Variants in ADGRL3 observed in about 807,000 individuals in gnomAD.
The protein encoded by ADGRL3 is calcium-independent alpha-latrotoxin receptor 3.
ADGRL3 carries 62 observed loss-of-function variants against 153.5 expected under a neutral mutation model. That is an observed-to-expected ratio of 0.40 (90% CI 0.33 to 0.50). The LOEUF (loss-of-function observed/expected upper bound fraction) is 0.50. ADGRL3 is among the 20% of genes least tolerant of loss of function. ADGRL3 has a pLI of 0.47. For synonymous variants in ADGRL3, 710 were observed against 672.5 expected, an observed-to-expected ratio of 1.06 and a Z score of -0.86; for missense variants, 1,641 against 1,859.4, an observed-to-expected ratio of 0.88 and a Z score of 2.16.
intron 1 of ADGRL3, among the ~76,000 whole-genome samples, chr4:61,212,777 A>G (rs546332274): frequency 1.3e-5 from 2 of 152,358 alleles, no homozygotes; most frequent in Middle Eastern, 3.4e-3. Context: ...CTTATGTACA[A>G]TGACCTTCCT....
chr4:61,830,583 T>C (rs535438244), intron 9 of ADGRL3, among the ~76,000 whole-genome samples: 3 of 152,302 alleles, frequency 2.0e-5, no homozygotes, highest in African/African-American at 7.2e-5. Context: ...TATTTTCTAA[T>C]GAGGACCTTA....
chr4:61,291,045 G>C (rs973178526), intron 1 of ADGRL3, among the ~76,000 whole-genome samples: 5 of 151,908 alleles, frequency 3.3e-5, no homozygotes, highest in African/African-American at 1.2e-4. Flanking sequence ...TTACAAATTG[G>C]TGAAGGAAAG....
intron 1 of ADGRL3, among the ~76,000 whole-genome samples, chr4:61,219,351 C>G (rs1744317696): frequency 6.6e-6 from 1 of 152,128 alleles, no homozygotes; most frequent in Non-Finnish European, 1.5e-5. Flanking sequence ...AAGTTAAAAG[C>G]CATTCTCTGA....
chr4:61,328,657 G>A (rs750968786), intron 1 of ADGRL3, among the ~76,000 whole-genome samples: 1 of 152,046 alleles, frequency 6.6e-6, no homozygotes, highest in Non-Finnish European at 1.5e-5. Flanking sequence ...GTCAAATGGG[G>A]ACAAAGAAGC....
rs778366454 is a variant in ADGRL3, at chr4:61,909,755, C to T, written c.2073+10C>T. 8 of 1,443,746 alleles carry T rather than the reference C, an allele frequency of 5.5e-6. No individual in the cohort carries two copies. The highest frequency in any genetic ancestry group is 7.4e-6 in the Non-Finnish European group (8 of 1,075,458). 89.4% of individuals were successfully genotyped at this position (1,443,746 alleles called of 1,614,324 possible). On this transcript the variant is annotated intron_variant, in intron 12 of 26. Transcript: ENST00000683033. Reference sequence around the variant, plus strand: ...CCGGAGTTTGAACAAGGTAAGGACCCTAATTATGTGTGTGTGTGTGTGTGT... The same window carrying T: ...CCGGAGTTTGAACAAGGTAAGGACCTTAATTATGTGTGTGTGTGTGTGTGT...
intron 6 of ADGRL3, among the ~76,000 whole-genome samples, chr4:61,682,563 A>ATTTTTTTTTTTTTTTTTTTT (rs10685495): frequency 7.3e-6 from 1 of 136,224 alleles, no homozygotes; most frequent in Non-Finnish European, 1.6e-5. Context: ...CTTTAAAAAA[A>ATTTTTTTTTTTTTTTTTTTT]TTTTTTTTTT....
At chr4:61,591,559 G>A (rs1385939811) in intron 5 of ADGRL3, among the ~76,000 whole-genome samples, 1 of 152,052 alleles carries the variant, frequency 6.6e-6, no homozygotes, top group African/African-American at 2.4e-5. Context: ...AGTTATTTCT[G>A]GAGGTATGGA....
intron 1 of ADGRL3, among the ~76,000 whole-genome samples, chr4:61,362,587 G>T (rs1280288707): frequency 1.3e-5 from 2 of 152,034 alleles, no homozygotes; most frequent in East Asian, 3.9e-4. Context: ...GTAAGCTGAA[G>T]AAAAGAAAGT....
intron 1 of ADGRL3, among the ~76,000 whole-genome samples, chr4:61,342,308 T>C (rs1190611812): frequency 1.3e-5 from 2 of 152,190 alleles, no homozygotes; most frequent in Non-Finnish European, 2.9e-5. Flanking sequence ...AAGCAGTTCG[T>C]GAACAGTTAT....
At chr4:61,487,405 G>A (rs2098208327) in intron 2 of ADGRL3, among the ~76,000 whole-genome samples, 2 of 152,086 alleles carry the variant, frequency 1.3e-5, no homozygotes, top group Non-Finnish European at 2.9e-5. Context: ...TTAATACATG[G>A]GAGGCTTTCA....
At chr4:61,262,407 A>G (rs2092585946) in intron 1 of ADGRL3, among the ~76,000 whole-genome samples, 1 of 152,072 alleles carries the variant, frequency 6.6e-6, no homozygotes, top group Non-Finnish European at 1.5e-5. Context: ...TATATCAGTT[A>G]TGGTTTTACC....
At chr4:61,564,550 G>C (rs1372368537) in intron 4 of ADGRL3, among the ~76,000 whole-genome samples, 5 of 152,180 alleles carry the variant, frequency 3.3e-5, no homozygotes, top group African/African-American at 1.2e-4. Context: ...TGGAATTATA[G>C]GCTTGAGCCA....
chr4:62,066,752 T>C (rs1577748719), intron 25 of ADGRL3, among the ~76,000 whole-genome samples: 1 of 152,200 alleles, frequency 6.6e-6, no homozygotes, highest in African/African-American at 2.4e-5. Context: ...GAATACAAGA[T>C]CATTTTAGAA....
At chr4:61,401,365 T>C (rs1471013170) in intron 2 of ADGRL3, among the ~76,000 whole-genome samples, 1 of 151,892 alleles carries the variant, frequency 6.6e-6, no homozygotes, top group African/African-American at 2.4e-5. Flanking sequence ...AGAACACATT[T>C]AGCCCAGAGA....
At position 61,869,936 on chromosome 4, in the gene ADGRL3, T is replaced by TAAAAA. The variant is rs1190618911; in HGVS notation, c.1481-22699_1481-22695dup. Among the ~76,000 whole-genome samples, 24 of 10,506 alleles carry TAAAAA rather than the reference T, an allele frequency of 2.3e-3. 6 individuals are homozygous for TAAAAA. Among genetic ancestry groups the TAAAAA allele is most frequent in the African/African-American group, 2.7e-3 (12 of 4,448 alleles). The allele number at this position is 10,506 out of a possible 152,430, so 6.9% of individuals were successfully genotyped here. ...CTGGGCAACAAGAGCAAAACTTTGTTAAAAAAAAAAAAAAAAAAAAAAAAA... is the reference window on the plus strand; with the variant it reads ...CTGGGCAACAAGAGCAAAACTTTGTTAAAAAAAAAAAAAAAAAAAAAAAAAAAAAA... On this transcript the variant is annotated intron_variant, in intron 9 of 26. Transcript: ENST00000683033.
chr4:62,059,156 A>G (rs771915774), intron 25 of ADGRL3, among the ~76,000 whole-genome samples: 3 of 152,130 alleles, frequency 2.0e-5, no homozygotes, highest in Non-Finnish European at 4.4e-5. Context: ...GATAGGAAGT[A>G]TGTCCTCTTG....
At chr4:61,820,648 TTATA>T (rs2097743296) in intron 9 of ADGRL3, among the ~76,000 whole-genome samples, 1 of 152,224 alleles carries the variant, frequency 6.6e-6, no homozygotes, top group Non-Finnish European at 1.5e-5. Flanking sequence ...ATGGGATTGA[TTATA>T]TATTTCTGTA....
chr4:61,395,821 A>C (rs2096862129), intron 2 of ADGRL3, among the ~76,000 whole-genome samples: 1 of 151,978 alleles, frequency 6.6e-6, no homozygotes, highest in Non-Finnish European at 1.5e-5. Context: ...CAAGGGAACA[A>C]ATTTAATATA....
intron 11 of ADGRL3, among the ~76,000 whole-genome samples, chr4:61,904,085 AC>A (rs1483973817): frequency 8.0e-5 from 12 of 150,804 alleles, no homozygotes; most frequent in African/African-American, 2.9e-4. Flanking sequence ...TATTTTTATA[AC>A]CTATTTCACT....
Sources: allele counts gnomAD v4.1 joint callset (sites outside exome capture counted in the v4.1 genomes callset), GRCh38; gene constraint gnomAD v4.1.1; transcripts MANE v1.5; gene names NCBI Gene and HGNC (gene_info 2026-07-23, HGNC 2026-07-21).